Variants in CPD observed in about 807,000 individuals in gnomAD.
The protein encoded by CPD is carboxypeptidase D, also known as metallocarboxypeptidase D.
A neutral mutation model predicts 138.3 loss-of-function variants in CPD; 69 were observed. The observed-to-expected ratio is 0.50, with a 90% CI of 0.41 to 0.61. The LOEUF (loss-of-function observed/expected upper bound fraction) is 0.61, where lower values mean the gene tolerates loss of function less well. CPD is among the 20% of genes least tolerant of loss of function. The probability of loss-of-function intolerance (pLI) is 0.00; values close to 1 mark genes in which losing one functional copy is unlikely to be tolerated. For missense variants in CPD, 1,432 were observed against 1,733.3 expected (o/e 0.83, Z 3.09); for synonymous variants, 651 against 642.1 (o/e 1.01, Z -0.21).
At chr17:30,389,737 A>T (rs186960537) in intron 2 of CPD, among the ~76,000 whole-genome samples, 111 of 152,364 alleles carry the variant, frequency 7.3e-4, no homozygotes, top group Non-Finnish European at 6.3e-4. Flanking sequence ...TTTTCTGATT[A>T]TTCAGACATC....
chr17:30,455,420 A>G lies in CPD; in HGVS notation c.3287A>G (p.Asp1096Gly). 6.2e-7 allele frequency: 1 copy of G among 1,613,892 alleles called. No individual in the cohort carries two copies. Among genetic ancestry groups the G allele is most frequent in the East Asian group, 2.2e-5 (1 of 44,822 alleles). Reference sequence around the variant, plus strand: ...GACTTTAGTCTTTCTGTTGCCTTAGATGGTGGTTCCATGCTGGTCACATAT... The same window carrying G: ...GACTTTAGTCTTTCTGTTGCCTTAGGTGGTGGTTCCATGCTGGTCACATAT... ...KQDFSLSVAL[D>G]GGSMLVTYPY... Residue 1096 changes from aspartate to glycine, a missense_variant, in exon 15 of 21, where the codon GAT (aspartate) becomes GGT (glycine). Asp to Gly is a moderately conservative substitution (Grantham distance 94). Around this residue, in one of 6 missense-constraint regions of CPD, gnomAD observed 366 missense variants for 518.8 expected, o/e 0.71. Transcript: ENST00000225719.
chr17:30,433,567 A>C (rs1021522585), intron 8 of CPD, among the ~76,000 whole-genome samples: 5 of 152,048 alleles, frequency 3.3e-5, no homozygotes, highest in African/African-American at 1.2e-4. Flanking sequence ...CTCCATACCA[A>C]TATTACAAGT....
In CPD at chr17:30,469,375, G is replaced by C. The variant is rs1255705926; in HGVS notation, c.*4561G>C. The stretch of plus-strand genomic sequence containing the variant: ...TTGCTTCCAATGTGACCTTGTACAA[G>C]TTTCTTGACATTCTCTGAGCCTCAG... On this transcript the variant is annotated 3_prime_UTR_variant, in exon 21 of 21. Transcript: ENST00000225719. 6.6e-6 allele frequency: 1 copy of C among 152,196 alleles called. No homozygotes were observed. Among genetic ancestry groups the C allele is most frequent in the Admixed American group, 6.5e-5 (1 of 15,278 alleles). 9.4% of individuals were successfully genotyped at this position (152,196 alleles called of 1,614,324 possible).
chr17:30,419,447 C>A (rs1390322753), intron 2 of CPD, among the ~76,000 whole-genome samples: 1 of 152,200 alleles, frequency 6.6e-6, no homozygotes, highest in Non-Finnish European at 1.5e-5. Context: ...TCAAGCGATT[C>A]TTCTGCCTCA....
At position 30,464,730 on chromosome 17, in the gene CPD, C is replaced by A. The variant is rs200857905; in HGVS notation, c.4059C>A (p.Thr1353=). The A allele has an allele frequency of 6.2e-7, 1 of 1,613,920 alleles. No individual in the cohort carries two copies. The highest frequency in any genetic ancestry group is 1.1e-5 in the South Asian group (1 of 91,064). Residue 1353 remains threonine (T), a synonymous_variant, in exon 21 of 21, where the codon ACC becomes ACA. Coordinates refer to ENST00000225719, the MANE Select transcript of CPD (RefSeq NM_001304.5). ...EYEDEIRMMS[T]GSKKSLLSHE... ...AAGATGAAATTCGCATGATGTCTAC[C>A]GGCTCCAAGAAGTCCCTCCTAAGCC...
chr17:30,431,641 A>C, intron 7 of CPD, 131 bp from the exon 8 acceptor site: 3 of 640,036 alleles, frequency 4.7e-6, no homozygotes, highest in Non-Finnish European at 8.2e-6. Flanking sequence ...TGTAATTTTC[A>C]TTTCTGTTGA....
intron 2 of CPD, among the ~76,000 whole-genome samples, chr17:30,418,706 C>T (rs1226358049): frequency 6.6e-6 from 1 of 152,184 alleles, no homozygotes; most frequent in African/African-American, 2.4e-5. Flanking sequence ...TAGTTGTCCC[C>T]TCCTCTGATT....
In CPD at chr17:30,438,956, AT is replaced by A; in HGVS notation, c.2128-17del. ...GAGATACAAACAAATAGAAGTAAAGATTCTTTTTGTTTTTCCAGGAAAATTC... is the reference window on the plus strand; with the variant it reads ...GAGATACAAACAAATAGAAGTAAAGATCTTTTTGTTTTTCCAGGAAAATTC... On this transcript the variant is annotated intron_variant, in intron 8 of 20. Transcript: ENST00000225719. The A allele has an allele frequency of 1.4e-6, 2 of 1,381,876 alleles. No individual in the cohort carries two copies. The highest frequency in any genetic ancestry group is 1.3e-5 in the South Asian group (1 of 77,802). 85.6% of individuals were successfully genotyped at this position (1,381,876 alleles called of 1,614,324 possible). A position where few individuals can be genotyped will look rare whatever the true frequency, so the allele number is the denominator to read the frequency against.
chr17:30,398,285 C>G (rs555415914), intron 2 of CPD, among the ~76,000 whole-genome samples: 265 of 152,010 alleles, frequency 1.7e-3, no homozygotes, highest in African/African-American at 6.1e-3. Context: ...TAGAAACTCG[C>G]TTATTTATGA....
intron 2 of CPD, among the ~76,000 whole-genome samples, chr17:30,416,037 T>C (rs1018940126): frequency 6.6e-6 from 1 of 152,094 alleles, no homozygotes; most frequent in Non-Finnish European, 1.5e-5. Context: ...TTTTGCGAGA[T>C]GAAAATGTTC....
chr17:30,380,502 CAGA>C, intron 1 of CPD: 1 of 1,354,832 alleles, frequency 7.4e-7, no homozygotes. Flanking sequence ...TTAGCCTGGG[CAGA>C]ATGGCTAATG....
At position 30,379,179 on chromosome 17, in the gene CPD, G is replaced by C; in HGVS notation, c.199G>C (p.Ala67Pro). The change falls in exon 1 of 21, where the codon GCG becomes CCG. Residue 67 changes from alanine (A) to proline (P), a missense_variant. Around this residue, in one of 6 missense-constraint regions of CPD, gnomAD observed 484 missense variants for 477.2 expected, o/e 1.01. Coordinates refer to ENST00000225719, the MANE Select transcript of CPD (RefSeq NM_001304.5). The surrounding 1 kb of genome is among the most constrained non-coding windows in gnomAD (Gnocchi z 7.0). ...RYYHEEELES[A>P]LREAAAAGLP... is the part of the protein sequence containing the mutation. The stretch of plus-strand genomic sequence containing the variant: ...CTACCACGAAGAGGAGTTGGAGTCG[G>C]CGCTGAGGGAGGCGGCGGCCGCGGG... 6.5e-7 allele frequency: 1 copy of C among 1,533,406 alleles called. No individual in the cohort carries two copies. Among genetic ancestry groups the C allele is most frequent in the Non-Finnish European group, 8.7e-7 (1 of 1,143,758 alleles). The allele number at this position is 1,533,406 out of a possible 1,614,324, so 95.0% of individuals were successfully genotyped here.
At chr17:30,407,876 C>G (rs1410185889) in intron 2 of CPD, among the ~76,000 whole-genome samples, 4 of 152,160 alleles carry the variant, frequency 2.6e-5, no homozygotes, top group Admixed American at 6.5e-5. Flanking sequence ...GTGTTTTAGT[C>G]ATGAAGTCTT....
At chr17:30,455,635 T>G in intron 15 of CPD, 165 bp downstream of exon 15, 2 of 667,082 alleles carry the variant, frequency 3.0e-6, no homozygotes, top group Non-Finnish European at 4.8e-6. Context: ...TTCAGTTACT[T>G]GGAGAGCTCA....
chr17:30,403,516 C>T (rs1347037804), intron 2 of CPD, among the ~76,000 whole-genome samples: 1 of 152,132 alleles, frequency 6.6e-6, no homozygotes, highest in Non-Finnish European at 1.5e-5. Flanking sequence ...GAAAGATCTC[C>T]TTTCATGGGA....
At chr17:30,433,261 G>A (rs1333680966) in intron 8 of CPD, among the ~76,000 whole-genome samples, 2 of 152,154 alleles carry the variant, frequency 1.3e-5, no homozygotes, top group Non-Finnish European at 2.9e-5. Flanking sequence ...GGAGTAATAA[G>A]AGAATGTATA....
intron 2 of CPD, among the ~76,000 whole-genome samples, chr17:30,395,076 G>A (rs527983767): frequency 7.9e-5 from 12 of 152,054 alleles, no homozygotes; most frequent in Non-Finnish European, 1.6e-4. Flanking sequence ...TGAGACATTT[G>A]GAAAGCATAT....
rs752701883 is a variant in CPD at position 30,427,471 on chromosome 17, A to G, written c.1930A>G (p.Ile644Val). 8.1e-6 allele frequency: 13 copies of G among 1,614,172 alleles called. No individual in the cohort carries two copies. The highest frequency in any genetic ancestry group is 1.1e-5 in the Non-Finnish European group (13 of 1,180,000). ...AAATTTCCCAGACCAGTTTGTTCAG[A>G]TCACAGATCCTACGCAACCAGAAAC... Reference protein sequence around the residue: ...NRNFPDQFVQITDPTQPETIA... With the variant: ...NRNFPDQFVQVTDPTQPETIA... Residue 644 changes from isoleucine (I) to valine (V), a missense_variant, in exon 7 of 21, where the codon ATC (isoleucine) becomes GTC (valine). By Grantham distance (29) the Ile-to-Val change is conservative (BLOSUM62 3). Around this residue, in one of 6 missense-constraint regions of CPD, gnomAD observed 297 missense variants for 405.3 expected, o/e 0.73. Transcript: ENST00000225719.
At chr17:30,450,498 C>G (rs1913141415) in intron 13 of CPD, among the ~76,000 whole-genome samples, 2 of 152,132 alleles carry the variant, frequency 1.3e-5, no homozygotes, top group Admixed American at 6.5e-5. Context: ...TATTGGACAT[C>G]TTGGCTGCTA....
Sources: gnomAD v4.1 joint callset for allele counts (sites outside exome capture counted in the v4.1 genomes callset) on GRCh38, gnomAD v4.1.1 for gene constraint, gnomAD v4.1.1 regional missense constraint, Gnocchi (gnomAD v3.1) non-coding constraint, MANE v1.5 for transcripts, NCBI Gene and HGNC (gene_info 2026-07-23, HGNC 2026-07-21) for gene names.